Variants in PTOV1 observed in about 807,000 individuals in gnomAD.
The protein encoded by PTOV1 is PTOV1 extended AT-hook containing adaptor protein, also known as prostate tumor-overexpressed gene 1 protein.
In PTOV1, 20 loss-of-function variants were observed where a neutral mutation model predicts 58.0. That is an observed-to-expected ratio of 0.34 (90% CI 0.24 to 0.50). The LOEUF (loss-of-function observed/expected upper bound fraction) is 0.50, where lower values mean the gene tolerates loss of function less well. PTOV1 is among the 20% of genes least tolerant of loss of function. The pLI is 0.98. For missense variants in PTOV1, 593 were observed against 565.4 expected, an observed-to-expected ratio of 1.05 and a Z score of -0.50; for synonymous variants, 335 against 234.2, an observed-to-expected ratio of 1.43 and a Z score of -3.93.
chr19:49,857,931 A>G (rs376909194), exon 8 of PTOV1: 2 of 1,613,900 alleles, frequency 1.2e-6, no homozygotes, highest in Admixed American at 1.7e-5. Flanking sequence ...CAGTCGGTCC[A>G]AGAGGTGGCT....
At position 49,859,973 on chromosome 19, in the gene PTOV1, C is replaced by A; in HGVS notation, c.1042-13C>A. On this transcript the variant is annotated splice_polypyrimidine_tract_variant and intron_variant, in intron 10 of 11. Transcript: ENST00000391842. ...TGGTGCTGTCTGGTGACACCACGCC[C>A]TGTGCCTGCCAGGCCGGCTGCGTGC... 1 of 1,613,944 alleles carries A rather than the reference C, an allele frequency of 6.2e-7. No individual in the cohort carries two copies. Among genetic ancestry groups the A allele is most frequent in the Non-Finnish European group, 8.5e-7 (1 of 1,179,970 alleles).
chr19:49,855,162 C>A, intron 5 of PTOV1, 85 bp downstream of exon 5: 2 of 1,348,338 alleles, frequency 1.5e-6, no homozygotes, highest in Non-Finnish European at 1.0e-6. Flanking sequence ...AGGCGGGGGT[C>A]GGGGGGTCTC....
At chr19:49,858,933 C>A in intron 10 of PTOV1, 1 of 338,010 alleles carries the variant, frequency 3.0e-6, no homozygotes. Flanking sequence ...GACAGGCGCC[C>A]TTGTCACTCC....
exon 7 of PTOV1, chr19:49,857,737 C>T (rs2074542136): frequency 6.2e-7 from 1 of 1,613,078 alleles, no homozygotes; most frequent in Non-Finnish European, 8.5e-7. Flanking sequence ...TCCAGATCGT[C>T]AACAACAAGT....
chr19:49,856,895 A>G (rs2074492752), intron 5 of PTOV1, 80 bp from the exon 6 acceptor site: 5 of 1,541,638 alleles, frequency 3.2e-6, no homozygotes, highest in South Asian at 1.2e-5. Context: ...TTCATCCCCT[A>G]CAGGTGGGGC....
exon 11 of PTOV1, chr19:49,860,042 C>T (rs753572317): frequency 5.0e-6 from 8 of 1,614,228 alleles, no homozygotes; most frequent in South Asian, 2.2e-5. Context: ...TGCTTATGCT[C>T]CTGTACTCTT....
chr19:49,851,325 C>A, exon 1 of PTOV1: 2 of 1,065,572 alleles, frequency 1.9e-6, no homozygotes, highest in Non-Finnish European at 2.3e-6. Context: ...GGCCCGCGCC[C>A]GCCATGGTCC....
rs368487830 is a variant in PTOV1, at chr19:49,854,897, C to T, written c.450+9C>T. 197 of 1,596,330 alleles carry T rather than the reference C, an allele frequency of 1.2e-4. No individual in the cohort carries two copies. The highest frequency in any genetic ancestry group is 1.6e-4 in the Non-Finnish European group (184 of 1,166,498). ...TCCCTCAGCAGCTGCTGGTGAGACC[C>T]GCCCCTCCCACCCCATCCACTCTGA... On this transcript the variant is annotated intron_variant, in intron 4 of 11. Transcript: ENST00000391842.
At chr19:49,857,221 G>T in intron 6 of PTOV1, 91 bp downstream of exon 6, 1 of 1,516,722 alleles carries the variant, frequency 6.6e-7, no homozygotes, top group Non-Finnish European at 9.1e-7. Context: ...TGGGCGGAGT[G>T]TGATGCGATG....
At chr19:49,860,387 GGGTGGGGTT>G in exon 12 of PTOV1, 2 of 1,243,508 alleles carry the variant, frequency 1.6e-6, no homozygotes, top group Non-Finnish European at 1.1e-6. Context: ...CATGTGGGGG[GGGTGGGGTT>G]GGGAAAGAAG....
exon 1 of PTOV1, chr19:49,851,277 AG>A: frequency 9.3e-7 from 1 of 1,074,384 alleles, no homozygotes; most frequent in South Asian, 4.4e-5. Context: ...TGGAGCCCGC[AG>A]CCCCCCTTGT....
intron 1 of PTOV1, among the ~76,000 whole-genome samples, chr19:49,854,050 G>T (rs898058598): frequency 1.3e-5 from 2 of 152,348 alleles, no homozygotes; most frequent in Admixed American, 1.3e-4. Context: ...CTGGGGCACG[G>T]GGAAAGCCCC....
At chr19:49,860,621 G>A in exon 12 of PTOV1, 3 of 475,578 alleles carry the variant, frequency 6.3e-6, no homozygotes, top group East Asian at 3.5e-5. Context: ...CAGGTGACAC[G>A]CTTCTGAGCA....
intron 1 of PTOV1, 138 bp from the exon 2 acceptor site, chr19:49,854,268 G>C (rs543819636): frequency 8.6e-7 from 1 of 1,164,634 alleles, no homozygotes; most frequent in South Asian, 1.5e-5. Context: ...TGAGCAGAGG[G>C]TTTGGACATG....
chr19:49,860,340 AGTG>A, exon 12 of PTOV1: 1 of 1,337,416 alleles, frequency 7.5e-7, no homozygotes, highest in Non-Finnish European at 9.9e-7. Flanking sequence ...GAGACTGGTG[AGTG>A]GTGACCCTGT....
intron 5 of PTOV1, chr19:49,855,991 G>A (rs2074445711): frequency 6.6e-6 from 1 of 152,158 alleles, no homozygotes; most frequent in African/African-American, 2.4e-5. Context: ...ACCTGGCTCT[G>A]GGACATTCCC....
At chr19:49,857,773 G>A (rs781030552) in exon 7 of PTOV1, 47 of 1,614,042 alleles carry the variant, frequency 2.9e-5, no homozygotes, top group Middle Eastern at 3.3e-4. Flanking sequence ...GTGTCATGGA[G>A]TGGCAGGAGG....
At chr19:49,858,554 C>T (rs771340254) in exon 10 of PTOV1, 2 of 1,598,488 alleles carry the variant, frequency 1.3e-6, no homozygotes, top group Admixed American at 1.7e-5. Context: ...CGCAGACCAC[C>T]CTAGTGCCGC....
At chr19:49,858,379 T>C in intron 9 of PTOV1, 170 bp from the exon 10 acceptor site, 1 of 682,290 alleles carries the variant, frequency 1.5e-6, no homozygotes, top group Non-Finnish European at 2.5e-6. Context: ...GAGAGCGGCT[T>C]CCACAGCACT....
Sources: allele counts gnomAD v4.1 joint callset (sites outside exome capture counted in the v4.1 genomes callset), GRCh38; gene constraint gnomAD v4.1.1; transcripts MANE v1.5; gene names NCBI Gene and HGNC (gene_info 2026-07-23, HGNC 2026-07-21).